HMGA2: variants seen among roughly 807,000 people sequenced by gnomAD.
The protein encoded by HMGA2 is high mobility group protein HMGI-C.
HMGA2 carries 8 observed loss-of-function variants against 19.1 expected under a neutral mutation model. The ratio of observed to expected loss-of-function variants is 0.42; its 90% CI spans 0.25 to 0.76. The LOEUF (loss-of-function observed/expected upper bound fraction) is 0.76, where lower values mean the gene tolerates loss of function less well. HMGA2 is among the 30% of genes least tolerant of loss of function. HMGA2 has a pLI of 0.28. For synonymous variants in HMGA2, 60 were observed against 48.8 expected (o/e 1.23, Z -0.96); for missense variants, 109 against 136.3 (o/e 0.80, Z 1.00).
At chr12:65,827,659 CCTATGAGTTGCCA>C (rs1870273318) in intron 1 of HMGA2, among the ~76,000 whole-genome samples, 1 of 152,116 alleles carries the variant, frequency 6.6e-6, no homozygotes, top group Non-Finnish European at 1.5e-5. Context: ...GCCTATTATT[CCTATGAGTTGCCA>C]AATGCATAGC....
chr12:65,937,774 CA>C (rs1452778205), intron 3 of HMGA2, among the ~76,000 whole-genome samples: 1 of 152,198 alleles, frequency 6.6e-6, no homozygotes, highest in Non-Finnish European at 1.5e-5. Context: ...AACAATTTGA[CA>C]AAGGCAAACA....
chr12:65,912,257 T>A (rs1163214816), intron 3 of HMGA2, among the ~76,000 whole-genome samples: 1 of 152,228 alleles, frequency 6.6e-6, no homozygotes, highest in Non-Finnish European at 1.5e-5. Context: ...GAACTTGATA[T>A]ATTTTTATAT....
At chr12:65,921,006 C>T (rs1875287539) in intron 3 of HMGA2, among the ~76,000 whole-genome samples, 1 of 152,184 alleles carries the variant, frequency 6.6e-6, no homozygotes, top group South Asian at 2.1e-4. Context: ...GCCCAAAGTG[C>T]TGATAGTGAT....
At chr12:65,858,881 T>C (rs771318110) in intron 3 of HMGA2, 1 of 152,220 alleles carries the variant, frequency 6.6e-6, no homozygotes, top group Non-Finnish European at 1.5e-5. Flanking sequence ...TTTATGTAGA[T>C]TGCTAACAAG....
chr12:65,874,658 G>A (rs367549356), intron 3 of HMGA2, among the ~76,000 whole-genome samples: 12 of 152,182 alleles, frequency 7.9e-5, no homozygotes, highest in Non-Finnish European at 1.5e-4. Flanking sequence ...TGATTTACCC[G>A]CAGAACCACC....
At chr12:65,862,615 G>C (rs11175944) in intron 3 of HMGA2, among the ~76,000 whole-genome samples, 40,573 of 152,132 alleles carry the variant, frequency 0.27, 10,884 homozygotes, top group African/African-American at 0.69. Context: ...TCAAGGATTA[G>C]ACCTGGACTA....
At chr12:65,845,714 T>G (rs2120906269) in intron 3 of HMGA2, among the ~76,000 whole-genome samples, 1 of 152,374 alleles carries the variant, frequency 6.6e-6, no homozygotes, top group South Asian at 2.1e-4. Context: ...CTCTGCGTTT[T>G]GATGGGCTGA....
At chr12:65,914,348 A>G (rs1439196366) in intron 3 of HMGA2, among the ~76,000 whole-genome samples, 1 of 152,104 alleles carries the variant, frequency 6.6e-6, no homozygotes, top group Non-Finnish European at 1.5e-5. Context: ...TTGTAGGGAC[A>G]AGGATGAAAT....
chr12:65,938,771 T>C (rs959390841), intron 3 of HMGA2, among the ~76,000 whole-genome samples: 13 of 152,114 alleles, frequency 8.5e-5, no homozygotes, highest in African/African-American at 2.7e-4. Context: ...TACCTCAGCC[T>C]CCTGAGTAGT....
chr12:65,826,940 G>T (rs1416352618), intron 1 of HMGA2: 2 of 152,208 alleles, frequency 1.3e-5, no homozygotes, highest in African/African-American at 4.8e-5. Context: ...ACAGAAGCTT[G>T]CAGGGAACCT....
intron 3 of HMGA2, among the ~76,000 whole-genome samples, chr12:65,898,881 A>T (rs1040405890): frequency 1.3e-5 from 2 of 151,970 alleles, no homozygotes; most frequent in African/African-American, 4.8e-5. Context: ...CGTCTCTACT[A>T]AAAATACAAA....
chr12:65,843,429 T>C (rs377706798), intron 3 of HMGA2: 1 of 199,552 alleles, frequency 5.0e-6, no homozygotes, highest in African/African-American at 2.3e-5. Context: ...ACAGCAAGGG[T>C]TTTTTTCCCC....
chr12:65,849,638 G>A (rs1306692951), intron 3 of HMGA2, among the ~76,000 whole-genome samples: 5 of 151,474 alleles, frequency 3.3e-5, no homozygotes, highest in Non-Finnish European at 7.4e-5. Context: ...TAGCAATGTG[G>A]TAGAGCTTAA....
chr12:65,855,876 G>T (rs959393733), intron 3 of HMGA2: 1 of 151,508 alleles, frequency 6.6e-6, no homozygotes, highest in African/African-American at 2.4e-5. Context: ...GGCATACAAA[G>T]AGCTGTTTTT....
chr12:65,934,444 A>T (rs1012966467), intron 3 of HMGA2, among the ~76,000 whole-genome samples: 4 of 152,150 alleles, frequency 2.6e-5, no homozygotes, highest in Non-Finnish European at 4.4e-5. Context: ...GGTTCCTTTT[A>T]TACCCCAGCC....
At chr12:65,938,020 G>C (rs1875954912) in intron 3 of HMGA2, among the ~76,000 whole-genome samples, 1 of 152,130 alleles carries the variant, frequency 6.6e-6, no homozygotes, top group African/African-American at 2.4e-5. Flanking sequence ...TGGTGATGCT[G>C]GTCCCATTCC....
intron 3 of HMGA2, among the ~76,000 whole-genome samples, chr12:65,943,483 A>G (rs1876159127): frequency 1.3e-5 from 2 of 152,174 alleles, no homozygotes; most frequent in Non-Finnish European, 2.9e-5. Flanking sequence ...GGCTATTCTC[A>G]TCCTTGAGCA....
intron 3 of HMGA2, chr12:65,915,462 T>A: frequency 1.6e-6 from 2 of 1,238,062 alleles, no homozygotes; most frequent in Non-Finnish European, 2.0e-6. Flanking sequence ...GGGATCCACC[T>A]TTTTGCAGAA....
At chr12:65,913,639 T>C (rs1471546576) in intron 3 of HMGA2, among the ~76,000 whole-genome samples, 1 of 152,164 alleles carries the variant, frequency 6.6e-6, no homozygotes, top group East Asian at 1.9e-4. Context: ...AGGGTGTAAT[T>C]GAAAGAATAT....
Sources: gnomAD v4.1 joint callset for allele counts (sites outside exome capture counted in the v4.1 genomes callset) on GRCh38, gnomAD v4.1.1 for gene constraint, MANE v1.5 for transcripts, NCBI Gene and HGNC (gene_info 2026-07-23, HGNC 2026-07-21) for gene names.